Variants in SAMD7 observed in about 807,000 individuals in gnomAD.
SAMD7 encodes sterile alpha motif domain containing 7.
Under a neutral mutation model 36.7 loss-of-function variants are expected in SAMD7, and 34 were observed. The ratio of observed to expected loss-of-function variants is 0.93; its 90% CI spans 0.71 to 1.23. The LOEUF is 1.23. Among genes scored for constraint, SAMD7 ranks in the 50% most tolerant of loss-of-function variants. The pLI is 0.00. For synonymous variants in SAMD7, 188 were observed against 189.7 expected (o/e 0.99, Z 0.07); for missense variants, 570 against 546.6 (o/e 1.04, Z -0.43).
At chr3:169,936,498 A>C in intron 8 of SAMD7, 49 bp downstream of exon 8, 1 of 957,418 alleles carries the variant, frequency 1.0e-6, no homozygotes, top group Non-Finnish European at 1.7e-6. Context: ...ACAAAGCTTA[A>C]TACAAATATG....
At position 169,927,066 on chromosome 3, in the gene SAMD7, T is replaced by C; in HGVS notation, c.804T>C (p.Thr268=). The C allele has an allele frequency of 6.2e-7, 1 of 1,611,424 alleles. No individual in the cohort carries two copies. Among genetic ancestry groups the C allele is most frequent in the Non-Finnish European group, 8.5e-7 (1 of 1,179,280 alleles). The change falls in exon 6 of 9, where the codon ACT becomes ACC. Residue 268 remains threonine (T), a synonymous_variant. Coordinates refer to ENST00000335556, the MANE Select transcript of SAMD7 (RefSeq NM_001304366.2). ...GGAAACCCTGGGGGTCTCACACCAC[T>C]ACCCTGAAAGCAAAGGCCTGGGACG... ...THRKPWGSHT[T]TLKAKAWDDG... is the part of the protein sequence containing the mutation.
intron 2 of SAMD7, among the ~76,000 whole-genome samples, chr3:169,919,233 T>C (rs1249231170): frequency 6.6e-6 from 1 of 152,324 alleles, no homozygotes; most frequent in East Asian, 1.9e-4. Flanking sequence ...GCTTGTAGTT[T>C]GGTACCGTAT....
rs574988702 is a variant in SAMD7, at chr3:169,936,272, A to G, written c.1042-67A>G. The G allele has an allele frequency of 4.1e-6, 4 of 982,334 alleles. No individual in the cohort carries two copies. In the Admixed American group the frequency reaches 8.3e-5, roughly 20 times the overall value. The allele number at this position is 982,334 out of a possible 1,614,324, so 60.9% of individuals were successfully genotyped here. A position where few individuals can be genotyped will look rare whatever the true frequency, so the allele number is the denominator to read the frequency against. On this transcript the variant is annotated intron_variant, in intron 7 of 8. Coordinates refer to ENST00000335556, the MANE Select transcript of SAMD7 (RefSeq NM_001304366.2). ...TGTTTTCTCCAAAACTAAAATATCT[A>G]GGTGGTAAAAGAACTTTTTCAAAAA...
intron 7 of SAMD7, chr3:169,932,440 A>G (rs1713538373): frequency 4.9e-6 from 3 of 611,118 alleles, no homozygotes; most frequent in Non-Finnish European, 9.7e-6. Flanking sequence ...GATAGACACA[A>G]TGCGGAGGTA....
At chr3:169,933,019 C>A in intron 7 of SAMD7, 1 of 779,720 alleles carries the variant, frequency 1.3e-6, no homozygotes, top group Non-Finnish European at 2.3e-6. Context: ...CAGGTGTCTA[C>A]CTGGAACAGA....
intron 7 of SAMD7, among the ~76,000 whole-genome samples, chr3:169,929,904 A>G (rs1270316813): frequency 6.6e-6 from 1 of 152,206 alleles, no homozygotes; most frequent in African/African-American, 2.4e-5. Context: ...TTTAAAAATT[A>G]GTCATTAGTC....
At chr3:169,919,144 C>A (rs1478285775) in intron 2 of SAMD7, among the ~76,000 whole-genome samples, 1 of 151,600 alleles carries the variant, frequency 6.6e-6, no homozygotes, top group Non-Finnish European at 1.5e-5. Context: ...AACTCCATCT[C>A]AAAAATCAAC....
intron 3 of SAMD7, among the ~76,000 whole-genome samples, chr3:169,920,620 T>C (rs755666480): frequency 1.3e-5 from 2 of 152,226 alleles, no homozygotes; most frequent in Non-Finnish European, 2.9e-5. Flanking sequence ...CAATAAAAAG[T>C]AAATTATAAG....
intron 7 of SAMD7, chr3:169,932,823 T>C: frequency 1.7e-6 from 1 of 579,514 alleles, no homozygotes; most frequent in Non-Finnish European, 3.4e-6. Flanking sequence ...CTGTGCCGCC[T>C]GGACACCATT....
chr3:169,936,501 C>A (rs747752980), intron 8 of SAMD7, 52 bp downstream of exon 8: 13 of 932,274 alleles, frequency 1.4e-5, no homozygotes, highest in South Asian at 4.2e-5. Flanking sequence ...AAGCTTAATA[C>A]AAATATGTTA....
intron 8 of SAMD7, 72 bp from the exon 9 acceptor site, chr3:169,938,246 G>A: frequency 1.1e-6 from 1 of 951,600 alleles, no homozygotes; most frequent in Non-Finnish European, 1.6e-6. Flanking sequence ...GCCTCTCTGT[G>A]ATGTGTGTTT....
chr3:169,920,771 G>A (rs1576828971), intron 3 of SAMD7, among the ~76,000 whole-genome samples: 1 of 152,114 alleles, frequency 6.6e-6, no homozygotes, highest in African/African-American at 2.4e-5. Context: ...GAACAGTAAA[G>A]TGGAACTTCT....
Position 169,926,314 on chromosome 3 carries a change from G to T in SAMD7, c.291-239G>T, listed in dbSNP as rs183002604. ...GCCCCATCCCTGCTAAATTTGCCTC[G>T]TCTGTTTAAAGGTAACACTCTAAAG... On this transcript the variant is annotated intron_variant, in intron 5 of 8. Transcript: ENST00000335556. The T allele has an allele frequency of 6.5e-4, 910 of 1,398,914 alleles. 6 individuals are homozygous for T. The African/African-American group carries it at 0.012, about 18-fold the overall frequency. The allele number at this position is 1,398,914 out of a possible 1,614,324, so 86.7% of individuals were successfully genotyped here.
At chr3:169,921,752 T>C (rs1713053661) in intron 4 of SAMD7, among the ~76,000 whole-genome samples, 1 of 152,154 alleles carries the variant, frequency 6.6e-6, no homozygotes, top group Non-Finnish European at 1.5e-5. Flanking sequence ...AAGAGCAACA[T>C]GGTCTGACTT....
rs766603276 is a variant in SAMD7 at position 169,926,916 on chromosome 3, T to C, written c.654T>C (p.Tyr218=). 1.9e-6 allele frequency: 3 copies of C among 1,613,826 alleles called. No individual in the cohort carries two copies. Among genetic ancestry groups the C allele is most frequent in the East Asian group, 2.2e-5 (1 of 44,840 alleles). The part of the protein sequence containing the change: ...KILGQTHAVP[Y]EEDHYAKDPD... ...TAGGTCAGACTCATGCAGTTCCCTATGAAGAGGATCATTATGCAAAAGACC... is the reference window on the plus strand; with the variant it reads ...TAGGTCAGACTCATGCAGTTCCCTACGAAGAGGATCATTATGCAAAAGACC... The change falls in exon 6 of 9, where the codon TAT becomes TAC. Residue 218 remains tyrosine, a synonymous_variant. Transcript: ENST00000335556.
At position 169,936,574 on chromosome 3, in the gene SAMD7, T is replaced by G. The variant is rs1020923455; in HGVS notation, c.1152+125T>G. The G allele has an allele frequency of 1.4e-5, 9 of 626,822 alleles. 1 individual carries two copies. In the East Asian group the frequency reaches 2.3e-4, roughly 16 times the overall value. The allele number at this position is 626,822 out of a possible 1,614,324, so 38.8% of individuals were successfully genotyped here. ...CTTCTTTATTGCTTTCCCTCTGTGG[T>G]TGAGGACATAATAGAAGTGAGGGAC... On this transcript the variant is annotated intron_variant, in intron 8 of 8. Transcript: ENST00000335556.
intron 1 of SAMD7, among the ~76,000 whole-genome samples, chr3:169,914,302 T>A (rs981514603): frequency 1.3e-5 from 2 of 152,212 alleles, no homozygotes; most frequent in Non-Finnish European, 2.9e-5. Context: ...ATTTGAGGTA[T>A]GTGCATGAAA....
intron 7 of SAMD7, chr3:169,932,919 T>C: frequency 1.5e-6 from 1 of 650,976 alleles, no homozygotes; most frequent in Non-Finnish European, 2.9e-6. Context: ...GCCAGTATGC[T>C]CATCCTTCTT....
chr3:169,932,993 T>C lies in SAMD7; in HGVS notation c.1042-3346T>C. 5.5e-6 allele frequency: 4 copies of C among 726,632 alleles called. No homozygotes were observed. In the South Asian group the frequency reaches 5.5e-5, roughly 10 times the overall value. 45.0% of individuals were successfully genotyped at this position (726,632 alleles called of 1,614,324 possible). A position where few individuals can be genotyped will look rare whatever the true frequency, so the allele number is the denominator to read the frequency against. ...AAGAAGCATTCTTTCCCCCCCTCTA[T>C]CAGTGTGGCATCACTCAGGTGTCTA... is the stretch of plus-strand genomic sequence containing the variant. On this transcript the variant is annotated intron_variant, in intron 7 of 8. Transcript: ENST00000335556.
Sources: allele counts gnomAD v4.1 joint callset (sites outside exome capture counted in the v4.1 genomes callset), GRCh38; gene constraint gnomAD v4.1.1; transcripts MANE v1.5; gene names NCBI Gene and HGNC (gene_info 2026-07-23, HGNC 2026-07-21).